IL1R2: variants seen among roughly 807,000 people sequenced by gnomAD.
IL1R2 encodes the protein interleukin 1 receptor type 2.
IL1R2 carries 46 observed loss-of-function variants against 39.5 expected under a neutral mutation model. The observed-to-expected ratio is 1.16, with a 90% confidence interval of 0.92 to 1.49. The LOEUF is 1.49. Ranked by LOEUF, IL1R2 falls within the 40% of genes most tolerant of loss-of-function variation. The pLI is 0.00. For synonymous variants in IL1R2, 207 were observed against 189.6 expected, an observed-to-expected ratio of 1.09 and a Z score of -0.75; for missense variants, 537 against 502.0, an observed-to-expected ratio of 1.07 and a Z score of -0.67.
chr2:101,996,507 G>A (rs1389713297), intron 1 of IL1R2, among the ~76,000 whole-genome samples: 8 of 31,908 alleles, frequency 2.5e-4, no homozygotes, highest in African/African-American at 1.5e-3. Context: ...TTTTTTTTTG[G>A]GGGGGAGAAT....
Position 102,026,138 on chromosome 2 carries a change from C to G in IL1R2, c.915C>G (p.Tyr305Ter), listed in dbSNP as rs200467327. 8.1e-6 allele frequency: 13 copies of G among 1,607,424 alleles called. No homozygotes were observed. Among genetic ancestry groups the G allele is most frequent in the Non-Finnish European group, 1.1e-5 (13 of 1,175,268 alleles). Residue 305 changes from tyrosine (Y) to a stop codon, truncating the protein, a stop_gained, in exon 8 of 9, where the codon TAC becomes TAG. Coordinates refer to ENST00000332549, the MANE Select transcript of IL1R2 (RefSeq NM_004633.4). LOFTEE classifies it high-confidence loss of function. ...AATATTCAGAAAATAATGAGAACTA[C>G]ATTGAAGTGCCATTGATTTTTGATC... ...RQEYSENNEN[Y>*]IEVPLIFDPV... is the part of the protein sequence containing the mutation.
intron 1 of IL1R2, among the ~76,000 whole-genome samples, chr2:101,996,766 A>G (rs1675611295): frequency 6.6e-6 from 1 of 151,592 alleles, no homozygotes; most frequent in Non-Finnish European, 1.5e-5. Flanking sequence ...TATATGTATT[A>G]TATACTCAGA....
At chr2:102,013,731 A>T (rs1372978543) in intron 3 of IL1R2, among the ~76,000 whole-genome samples, 1 of 152,002 alleles carries the variant, frequency 6.6e-6, no homozygotes, top group Non-Finnish European at 1.5e-5. Flanking sequence ...ACAGTTAGGG[A>T]CTTAGGCTGA....
At chr2:102,027,162 T>C (rs1677792666) in intron 8 of IL1R2, among the ~76,000 whole-genome samples, 1 of 152,222 alleles carries the variant, frequency 6.6e-6, no homozygotes, top group South Asian at 2.1e-4. Context: ...CTGTCAAATA[T>C]TCCTAGGGAG....
At chr2:102,000,163 G>A (rs892618884) in intron 1 of IL1R2, among the ~76,000 whole-genome samples, 4 of 152,198 alleles carry the variant, frequency 2.6e-5, no homozygotes, top group Non-Finnish European at 2.9e-5. Context: ...CCTGAGTACC[G>A]GGCTCTGCTT....
At chr2:102,010,948 T>C (rs1676592533) in intron 3 of IL1R2, among the ~76,000 whole-genome samples, 1 of 152,180 alleles carries the variant, frequency 6.6e-6, no homozygotes, top group African/African-American at 2.4e-5. Context: ...GACTCTATGA[T>C]TTTGACGACT....
chr2:102,028,388 A>G lies in IL1R2; in HGVS notation c.1193A>G (p.Lys398Arg), dbSNP rs770872788. The change falls in exon 9 of 9, where the codon AAG becomes AGG. Residue 398 changes from lysine (K) to arginine (R), a missense_variant. Transcript: ENST00000332549. Reference protein sequence around the residue: ...PHHQDFQSYPK With the variant: ...PHHQDFQSYPR ...CATCAAGACTTTCAATCCTATCCCA[A>G]GTGAAATAAATGGAATGAAATAATT... The G allele has an allele frequency of 2.5e-6, 4 of 1,589,398 alleles. No homozygotes were observed. Among genetic ancestry groups the G allele is most frequent in the African/African-American group, 1.3e-5 (1 of 74,512 alleles).
At chr2:102,014,356 A>T (rs1676857086) in intron 3 of IL1R2, among the ~76,000 whole-genome samples, 1 of 152,230 alleles carries the variant, frequency 6.6e-6, no homozygotes. Flanking sequence ...TACACAGCAC[A>T]GGGTCTGGCC....
At chr2:102,010,530 C>T (rs571700099) in intron 3 of IL1R2, among the ~76,000 whole-genome samples, 5 of 149,596 alleles carry the variant, frequency 3.3e-5, no homozygotes, top group Non-Finnish European at 7.4e-5. Context: ...GAGCGGAGAT[C>T]GAGCCACTGC....
chr2:102,014,871 A>C (rs1423373981), intron 3 of IL1R2, among the ~76,000 whole-genome samples: 1 of 151,318 alleles, frequency 6.6e-6, no homozygotes, highest in Non-Finnish European at 1.5e-5. Flanking sequence ...AGTTTCCAGC[A>C]AGGTTTTCCT....
chr2:102,025,808 T>G lies in IL1R2; in HGVS notation c.888-303T>G, dbSNP rs560128459. Among the ~76,000 whole-genome samples the G allele has an allele frequency of 4.6e-5, 7 of 152,280 alleles. No homozygotes were observed. In the South Asian group the frequency reaches 1.5e-3, roughly 32 times the overall value. On this transcript the variant is annotated intron_variant, in intron 7 of 8. Transcript: ENST00000332549. The stretch of plus-strand genomic sequence containing the variant: ...TTTCTGTTCCCATGACTGTTTTTTT[T>G]TGTTGTTGTTGTTCATTAAGAGACT...
chr2:102,021,305 C>CTTTTTTT (rs546019141), intron 5 of IL1R2, among the ~76,000 whole-genome samples: 4 of 122,832 alleles, frequency 3.3e-5, no homozygotes, highest in South Asian at 2.6e-4. Context: ...CTTTTCTTTT[C>CTTTTTTT]TTTTTTTTTT....
At chr2:102,019,942 C>T (rs1294563751) in intron 5 of IL1R2, 130 bp downstream of exon 5, 3 of 720,576 alleles carry the variant, frequency 4.2e-6, no homozygotes, top group African/African-American at 1.8e-5. Context: ...GATCCATCAG[C>T]TCTCCTGAAG....
At chr2:102,020,223 G>A (rs969478298) in intron 5 of IL1R2, among the ~76,000 whole-genome samples, 14 of 152,210 alleles carry the variant, frequency 9.2e-5, no homozygotes, top group African/African-American at 3.1e-4. Context: ...TAACCAGAGA[G>A]CTAGCCTTGC....
intron 2 of IL1R2, 137 bp from the exon 3 acceptor site, chr2:102,009,425 T>C (rs930737147): frequency 6.7e-5 from 65 of 964,048 alleles, no homozygotes; most frequent in Non-Finnish European, 8.4e-5. Flanking sequence ...GTCTTTTTGT[T>C]AGGGACAAAT....
chr2:101,995,706 A>G (rs551377640), intron 1 of IL1R2, among the ~76,000 whole-genome samples: 30 of 152,324 alleles, frequency 2.0e-4, no homozygotes, highest in African/African-American at 6.7e-4. Flanking sequence ...TTCATACAAC[A>G]TGAGCTGATT....
rs1224624251 is a variant in IL1R2 at position 102,015,907 on chromosome 2, C to T, written c.369C>T (p.Leu123=). 2 of 1,613,920 alleles carry T rather than the reference C, an allele frequency of 1.2e-6. No individual in the cohort carries two copies. Among genetic ancestry groups the T allele is most frequent in the Non-Finnish European group, 1.7e-6 (2 of 1,179,924 alleles). The change falls in exon 4 of 9, where the codon CTC becomes CTT. Residue 123 remains leucine (L), a synonymous_variant. Coordinates refer to ENST00000332549, the MANE Select transcript of IL1R2 (RefSeq NM_004633.4). ...ASYCDKMSIE[L]RVFENTDAFL... ...ACTGTGACAAAATGTCCATTGAGCTCAGAGTTTTTGAGAATACAGATGCTT... is the reference window on the plus strand; with the variant it reads ...ACTGTGACAAAATGTCCATTGAGCTTAGAGTTTTTGAGAATACAGATGCTT...
At chr2:101,995,389 G>A (rs1675540622) in intron 1 of IL1R2, among the ~76,000 whole-genome samples, 1 of 152,186 alleles carries the variant, frequency 6.6e-6, no homozygotes, top group Non-Finnish European at 1.5e-5. Flanking sequence ...GGAGCCGAGA[G>A]TGGCCTTATC....
intron 4 of IL1R2, among the ~76,000 whole-genome samples, chr2:102,018,539 A>G (rs1353653978): frequency 6.6e-6 from 1 of 152,232 alleles, no homozygotes; most frequent in Non-Finnish European, 1.5e-5. Flanking sequence ...GCATGGACAA[A>G]GATGTCATGG....
Sources: gnomAD v4.1 joint callset for allele counts (sites outside exome capture counted in the v4.1 genomes callset) on GRCh38, gnomAD v4.1.1 for gene constraint, MANE v1.5 for transcripts, NCBI Gene and HGNC (gene_info 2026-07-23, HGNC 2026-07-21) for gene names.